Variants in ARID5B observed in about 807,000 individuals in gnomAD.
The protein encoded by ARID5B is AT-rich interactive domain-containing protein 5B.
ARID5B carries 13 observed loss-of-function variants against 97.2 expected under a neutral mutation model. The observed-to-expected ratio is 0.13, with a 90% CI of 0.09 to 0.21. The LOEUF (loss-of-function observed/expected upper bound fraction) is 0.21. Ranked by LOEUF, ARID5B falls within the 10% of genes least tolerant of loss-of-function variation. The pLI is 1.00. For synonymous variants in ARID5B, 556 were observed against 570.3 expected (o/e 0.97, Z 0.36); for missense variants, 1,210 against 1,465.3 (o/e 0.83, Z 2.84).
At chr10:62,009,671 A>T (rs1370548297) in intron 4 of ARID5B, among the ~76,000 whole-genome samples, 1 of 152,208 alleles carries the variant, frequency 6.6e-6, no homozygotes, top group Non-Finnish European at 1.5e-5. Context: ...GCTAAGAGTC[A>T]GGAGTTATTT....
intron 3 of ARID5B, among the ~76,000 whole-genome samples, chr10:61,991,049 C>CACAA (rs1838917593): frequency 1.3e-5 from 2 of 151,232 alleles, no homozygotes; most frequent in African/African-American, 4.9e-5. Context: ...TGTACACACA[C>CACAA]ACACACACAC....
At chr10:61,956,141 G>C (rs139730817) in intron 3 of ARID5B, among the ~76,000 whole-genome samples, 2,321 of 152,282 alleles carry the variant, frequency 0.015, 19 homozygotes, top group Non-Finnish European at 0.023. Flanking sequence ...CTAGCCCCTG[G>C]CCTGTTAGAA....
rs201332970 is a variant in ARID5B, at chr10:61,905,944, AGT to A, written c.276+3534_276+3535del. Among the ~76,000 whole-genome samples, 96 of 152,316 alleles carry A rather than the reference AGT, an allele frequency of 6.3e-4. No individual in the cohort carries two copies. In the East Asian group the frequency reaches 0.016, roughly 25 times the overall value. ...CAATGCCTTCATATATAATACTTCC[AGT>A]GTTCGCAACTGGTGTTGAGGAAAAG... is the stretch of plus-strand genomic sequence containing the variant. On this transcript the variant is annotated intron_variant, in intron 2 of 9. Coordinates refer to ENST00000279873, the MANE Select transcript of ARID5B (RefSeq NM_032199.3).
At chr10:62,072,061 C>G (rs1396061776) in intron 8 of ARID5B, among the ~76,000 whole-genome samples, 1 of 152,186 alleles carries the variant, frequency 6.6e-6, no homozygotes, top group East Asian at 1.9e-4. Context: ...GGTGACAGAA[C>G]AGAGAAGAGA....
intron 7 of ARID5B, among the ~76,000 whole-genome samples, chr10:62,066,221 A>G (rs2132949597): frequency 6.6e-6 from 1 of 152,314 alleles, no homozygotes; most frequent in South Asian, 2.1e-4. Flanking sequence ...CTCTCTCCTT[A>G]TTGGGCTCTG....
chr10:61,945,492 T>A (rs528546245), intron 3 of ARID5B, among the ~76,000 whole-genome samples: 174 of 152,328 alleles, frequency 1.1e-3, no homozygotes, highest in Admixed American at 9.1e-3. Flanking sequence ...CAAAGTAGGT[T>A]TAAATTTTAT....
At chr10:62,076,200 AT>A (rs1840130765) in intron 8 of ARID5B, among the ~76,000 whole-genome samples, 2 of 132,840 alleles carry the variant, frequency 1.5e-5, no homozygotes. Context: ...TATCTAACCC[AT>A]CACAAGATCT....
Position 62,092,160 on chromosome 10 carries a change from C to A in ARID5B, c.2697C>A (p.Ala899=), listed in dbSNP as rs781395088. 5.6e-6 allele frequency: 9 copies of A among 1,608,840 alleles called. No homozygotes were observed. The highest frequency in any genetic ancestry group is 7.6e-6 in the Non-Finnish European group (9 of 1,177,958). The part of the protein sequence containing the change: ...LQDKKSAAAE[A]PTDDQPTDLS... ...ACAAAAAGTCGGCGGCAGCAGAAGC[C>A]CCTACGGATGATCAGCCTACAGATC... is the stretch of plus-strand genomic sequence containing the variant. The change falls in exon 10 of 10, where the codon GCC becomes GCA. Residue 899 remains alanine (A), a synonymous_variant. Transcript: ENST00000279873.
At chr10:61,931,040 G>A (rs1453918387) in intron 2 of ARID5B, among the ~76,000 whole-genome samples, 15 of 152,162 alleles carry the variant, frequency 9.9e-5, no homozygotes, top group Admixed American at 9.8e-4. Context: ...AGGAAGGAGA[G>A]TTTCAAGTCA....
intron 2 of ARID5B, among the ~76,000 whole-genome samples, chr10:61,931,115 C>T (rs184009302): frequency 1.7e-4 from 26 of 152,238 alleles, no homozygotes; most frequent in African/African-American, 5.5e-4. Context: ...TAAGAAAACG[C>T]CTTGGGTTAG....
At chr10:62,089,314 A>G (rs1355444785) in intron 9 of ARID5B, among the ~76,000 whole-genome samples, 2 of 152,106 alleles carry the variant, frequency 1.3e-5, no homozygotes. Context: ...TGTCCCTAAA[A>G]TTCAGGGTTT....
intron 8 of ARID5B, among the ~76,000 whole-genome samples, chr10:62,081,839 A>G (rs1840217463): frequency 6.6e-6 from 1 of 152,252 alleles, no homozygotes. Flanking sequence ...CTAAAAACCT[A>G]GTGTACTAAG....
Position 61,903,206 on chromosome 10 carries a change from T to A in ARID5B, c.276+793T>A, listed in dbSNP as rs1443082540. On this transcript the variant is annotated intron_variant, in intron 2 of 9. Transcript: ENST00000279873. ...GGGGAGGGGAGGGCAGAGGGGTGTG[T>A]GCTCGCCCACTGGCCCTGCGGGTCC... is the stretch of plus-strand genomic sequence containing the variant. 2.6e-5 allele frequency among the ~76,000 whole-genome samples: 4 copies of A among 151,938 alleles called. No homozygotes were observed. The East Asian group carries it at 7.8e-4, about 30-fold the overall frequency.
At chr10:61,991,324 G>T (rs1838922678) in intron 3 of ARID5B, among the ~76,000 whole-genome samples, 1 of 152,076 alleles carries the variant, frequency 6.6e-6, no homozygotes, top group Non-Finnish European at 1.5e-5. Context: ...ATGCACAGGG[G>T]TTCCTATTTC....
rs2132878011 is a variant in ARID5B at position 62,009,754 on chromosome 10, G to A, written c.733+9433G>A. ...GTTTGCCATATAACAGACACTACGA[G>A]GCAGTTGGCTAAGGGCAAAGTGAGG... On this transcript the variant is annotated intron_variant, in intron 4 of 9. Transcript: ENST00000279873. Among the ~76,000 whole-genome samples, 3 of 152,280 alleles carry A rather than the reference G, an allele frequency of 2.0e-5. No homozygotes were observed. In the Middle Eastern group the frequency reaches 0.01, roughly 518 times the overall value.
At chr10:61,950,019 T>G (rs527932745) in intron 3 of ARID5B, among the ~76,000 whole-genome samples, 6 of 152,146 alleles carry the variant, frequency 3.9e-5, no homozygotes, top group Non-Finnish European at 4.4e-5. Flanking sequence ...TTTTGTTCTT[T>G]TTTTTTGAGA....
chr10:61,951,174 T>C (rs1308234395), intron 3 of ARID5B, among the ~76,000 whole-genome samples: 1 of 152,262 alleles, frequency 6.6e-6, no homozygotes, highest in Admixed American at 6.5e-5. Context: ...GACTTTTAGC[T>C]TATTTTAATA....
intron 2 of ARID5B, among the ~76,000 whole-genome samples, chr10:61,915,961 G>A (rs898862291): frequency 1.3e-5 from 2 of 152,142 alleles, no homozygotes; most frequent in African/African-American, 2.4e-5. Context: ...TCACCATGTT[G>A]GTCAGGCAGG....
intron 2 of ARID5B, among the ~76,000 whole-genome samples, chr10:61,919,041 C>T (rs1219397036): frequency 8.7e-5 from 8 of 92,352 alleles, no homozygotes; most frequent in Admixed American, 2.1e-4. Flanking sequence ...CTCCGTCCCC[C>T]CCCCCCCCCC....
Sources: gnomAD v4.1 joint callset for allele counts (sites outside exome capture counted in the v4.1 genomes callset) on GRCh38, gnomAD v4.1.1 for gene constraint, MANE v1.5 for transcripts, NCBI Gene and HGNC (gene_info 2026-07-23, HGNC 2026-07-21) for gene names.